The following PDE4B variants were observed in gnomAD, a reference collection of about 807,000 sequenced individuals.
The protein encoded by PDE4B is 3',5'-cyclic-AMP phosphodiesterase 4B.
PDE4B carries 20 observed loss-of-function variants against 82.2 expected under a neutral mutation model. The observed-to-expected ratio is 0.24, with a 90% CI of 0.17 to 0.35. The LOEUF (loss-of-function observed/expected upper bound fraction) is 0.35, where lower values mean the gene tolerates loss of function less well. PDE4B is among the 10% of genes least tolerant of loss of function. The pLI, the probability that PDE4B is intolerant of heterozygous loss-of-function variation, is 1.00. For missense variants in PDE4B, 655 were observed against 907.2 expected, an observed-to-expected ratio of 0.72 and a Z score of 3.57; for synonymous variants, 320 against 318.9, an observed-to-expected ratio of 1.00 and a Z score of -0.04.
At chr1:66,315,467 T>A (rs1658961240) in intron 7 of PDE4B, among the ~76,000 whole-genome samples, 1 of 152,102 alleles carries the variant, frequency 6.6e-6, no homozygotes, top group African/African-American at 2.4e-5. Context: ...AGTCTCACTC[T>A]GTCACCCAGG....
intron 3 of PDE4B, among the ~76,000 whole-genome samples, chr1:66,204,176 G>A (rs1041580994): frequency 2.6e-5 from 4 of 152,306 alleles, no homozygotes; most frequent in African/African-American, 4.8e-5. Flanking sequence ...TTCGTGAACC[G>A]CAAATGCTGC....
At chr1:66,262,793 A>T (rs748076648) in intron 6 of PDE4B, among the ~76,000 whole-genome samples, 1 of 152,238 alleles carries the variant, frequency 6.6e-6, no homozygotes, top group Non-Finnish European at 1.5e-5. Context: ...CCACACAGAG[A>T]TGCTTATCTG....
chr1:66,255,593 C>T (rs1654156850), intron 4 of PDE4B, among the ~76,000 whole-genome samples: 1 of 152,208 alleles, frequency 6.6e-6, no homozygotes, highest in Non-Finnish European at 1.5e-5. Flanking sequence ...TGCCATTTCT[C>T]TTCATTGGCA....
chr1:65,949,260 G>T (rs1283028046), intron 3 of PDE4B, among the ~76,000 whole-genome samples: 2 of 152,088 alleles, frequency 1.3e-5, no homozygotes, highest in Non-Finnish European at 2.9e-5. Flanking sequence ...AAGGAATATG[G>T]TCGGTACAGG....
chr1:66,010,379 T>C (rs35297113), intron 3 of PDE4B, among the ~76,000 whole-genome samples: 25,265 of 151,682 alleles, frequency 0.17, 2,758 homozygotes, highest in Non-Finnish European at 0.24. Flanking sequence ...ATTTGGCAAG[T>C]ATACTAAACT....
chr1:65,908,119 A>C (rs1409842962), intron 1 of PDE4B, among the ~76,000 whole-genome samples: 3 of 152,182 alleles, frequency 2.0e-5, no homozygotes, highest in Non-Finnish European at 2.9e-5. Context: ...AAGTGCCTTC[A>C]ACAAAGGACA....
At chr1:66,018,106 A>G (rs1408162463) in intron 3 of PDE4B, among the ~76,000 whole-genome samples, 1 of 152,152 alleles carries the variant, frequency 6.6e-6, no homozygotes, top group African/African-American at 2.4e-5. Context: ...AGGAAGACAG[A>G]CGTTTCCATC....
At chr1:65,846,476 G>A (rs1571008331) in intron 1 of PDE4B, among the ~76,000 whole-genome samples, 1 of 152,188 alleles carries the variant, frequency 6.6e-6, no homozygotes, top group East Asian at 1.9e-4. Context: ...GGCATAGGAG[G>A]TAATAAAAAT....
At chr1:66,097,238 T>C (rs1454749991) in intron 3 of PDE4B, among the ~76,000 whole-genome samples, 1 of 152,106 alleles carries the variant, frequency 6.6e-6, no homozygotes, top group African/African-American at 2.4e-5. Context: ...GGAGTTTAAG[T>C]TGTTCCACAT....
intron 3 of PDE4B, among the ~76,000 whole-genome samples, chr1:66,023,176 G>A (rs111866969): frequency 6.6e-6 from 1 of 152,044 alleles, no homozygotes; most frequent in African/African-American, 2.4e-5. Context: ...TACTTTATAA[G>A]CTCTGTCATC....
chr1:66,021,165 T>G (rs1653085404), intron 3 of PDE4B, among the ~76,000 whole-genome samples: 1 of 152,332 alleles, frequency 6.6e-6, no homozygotes, highest in South Asian at 2.1e-4. Flanking sequence ...ATGGGGTTGT[T>G]TGATTTTTTC....
intron 3 of PDE4B, among the ~76,000 whole-genome samples, chr1:65,987,536 A>G (rs1444084737): frequency 6.6e-6 from 1 of 152,190 alleles, no homozygotes; most frequent in Non-Finnish European, 1.5e-5. Flanking sequence ...TAAAATGGAC[A>G]CTATAGTTAG....
intron 7 of PDE4B, among the ~76,000 whole-genome samples, chr1:66,308,482 C>A (rs1570665474): frequency 6.6e-6 from 1 of 152,162 alleles, no homozygotes; most frequent in Non-Finnish European, 1.5e-5. Flanking sequence ...CCATAGAAGG[C>A]CCCTGGAAGT....
At chr1:66,187,441 T>C (rs1486851471) in intron 3 of PDE4B, among the ~76,000 whole-genome samples, 2 of 152,120 alleles carry the variant, frequency 1.3e-5, no homozygotes, top group Non-Finnish European at 2.9e-5. Context: ...TGGTAGAATT[T>C]GGCTGTGAAT....
chr1:66,064,468 G>T (rs1464724754), intron 3 of PDE4B, among the ~76,000 whole-genome samples: 1 of 151,866 alleles, frequency 6.6e-6, no homozygotes, highest in Admixed American at 6.6e-5. Flanking sequence ...AAAAAAGGAG[G>T]CAGTCCAGAG....
intron 3 of PDE4B, among the ~76,000 whole-genome samples, chr1:65,921,136 T>G (rs1647234980): frequency 1.3e-5 from 2 of 150,918 alleles, no homozygotes; most frequent in African/African-American, 4.9e-5. Flanking sequence ...GCCCGGCTAA[T>G]TTTTTGTATT....
At chr1:66,092,134 T>G (rs1645037818) in intron 3 of PDE4B, among the ~76,000 whole-genome samples, 2 of 151,930 alleles carry the variant, frequency 1.3e-5, no homozygotes, top group African/African-American at 4.8e-5. Context: ...AATATGAGGA[T>G]CCCCAGATTA....
At chr1:65,843,861 T>C (rs545568539) in intron 1 of PDE4B, among the ~76,000 whole-genome samples, 4 of 152,310 alleles carry the variant, frequency 2.6e-5, no homozygotes, top group African/African-American at 9.6e-5. Context: ...TATGTTTGCT[T>C]GGTAAAACTG....
At chr1:66,069,351 C>G (rs1341294551) in intron 3 of PDE4B, among the ~76,000 whole-genome samples, 1 of 151,994 alleles carries the variant, frequency 6.6e-6, no homozygotes, top group Non-Finnish European at 1.5e-5. Context: ...CCCTCCTTGA[C>G]TTATCTCTGT....
Sources: allele counts gnomAD v4.1 joint callset (sites outside exome capture counted in the v4.1 genomes callset), GRCh38; gene constraint gnomAD v4.1.1; transcripts MANE v1.5; gene names NCBI Gene and HGNC (gene_info 2026-07-23, HGNC 2026-07-21).